The following NBAS variants were observed in gnomAD, a reference collection of about 807,000 sequenced individuals.
NBAS encodes the protein NAG/BC035112 fusion.
In NBAS, 219 loss-of-function variants were observed where a neutral mutation model predicts 302.5. The ratio of observed to expected loss-of-function variants is 0.72; its 90% CI spans 0.65 to 0.81. NBAS has a LOEUF of 0.81. Among genes scored for constraint, NBAS ranks in the 30% least tolerant of loss-of-function variants. The pLI, the probability that NBAS is intolerant of heterozygous loss-of-function variation, is 0.00. For missense variants in NBAS, 2,932 were observed against 2,841.6 expected (o/e 1.03, Z -0.72); for synonymous variants, 1,118 against 1,021.6 (o/e 1.09, Z -1.80).
chr2:14,815,353 A>G, the NBAS span, among the ~76,000 whole-genome samples: 3 of 152,342 alleles, frequency 2.0e-5, no homozygotes, highest in South Asian at 6.2e-4. Context: ...GAGCCTGAGC[A>G]CACACAGTCT....
intron 1 of NBAS, among the ~76,000 whole-genome samples, chr2:15,560,539 A>G (rs1664862938): frequency 6.6e-6 from 1 of 152,092 alleles, no homozygotes; most frequent in Non-Finnish European, 1.5e-5. Flanking sequence ...CCACGAAAAC[A>G]TATTCATCTC....
At chr2:15,016,538 C>A in the NBAS span, among the ~76,000 whole-genome samples, 1 of 152,004 alleles carries the variant, frequency 6.6e-6, no homozygotes, top group Non-Finnish European at 1.5e-5. Context: ...GTTAAAATGA[C>A]CATATTACCC....
At chr2:15,296,251 T>C (rs1670542859) in intron 40 of NBAS, among the ~76,000 whole-genome samples, 1 of 152,092 alleles carries the variant, frequency 6.6e-6, no homozygotes, top group Non-Finnish European at 1.5e-5. Context: ...AATTTTATCA[T>C]TAAGAGGCTG....
intron 42 of NBAS, among the ~76,000 whole-genome samples, chr2:15,279,314 G>C (rs1285150150): frequency 6.6e-6 from 1 of 152,058 alleles, no homozygotes; most frequent in Non-Finnish European, 1.5e-5. Context: ...TTAAGATAAA[G>C]AGTCCAGATC....
intron 9 of NBAS, among the ~76,000 whole-genome samples, chr2:15,523,670 T>C (rs947267220): frequency 2.0e-5 from 3 of 152,106 alleles, no homozygotes; most frequent in African/African-American, 7.2e-5. Context: ...TCCCAACACT[T>C]TGGGAAGCCA....
chr2:15,365,386 A>T (rs1674148660), intron 32 of NBAS, among the ~76,000 whole-genome samples: 1 of 152,198 alleles, frequency 6.6e-6, no homozygotes, highest in Admixed American at 6.5e-5. Flanking sequence ...AGTGCATCAG[A>T]GTTTACAGAG....
chr2:14,888,589 A>AT, the NBAS span, among the ~76,000 whole-genome samples: 2 of 151,996 alleles, frequency 1.3e-5, no homozygotes, highest in African/African-American at 2.4e-5. Context: ...GTATTATACT[A>AT]TTTTTTTAAT....
In NBAS at chr2:15,220,951, C is replaced by A. The variant is rs570824053; in HGVS notation, c.6237-1983G>T. On this transcript the variant is annotated intron_variant, in intron 47 of 51. Coordinates refer to ENST00000281513, the MANE Select transcript of NBAS (RefSeq NM_015909.4). Reference sequence around the variant, plus strand: ...ATTTAATATACTTGTCAAATGCTATCTTATGGCAATTTAAAAGAATTATTT... The same window carrying A: ...ATTTAATATACTTGTCAAATGCTATATTATGGCAATTTAAAAGAATTATTT... Among the ~76,000 whole-genome samples, 4 of 152,088 alleles carry A rather than the reference C, an allele frequency of 2.6e-5. No homozygotes were observed. In the South Asian group the frequency reaches 8.3e-4, roughly 32 times the overall value.
intron 42 of NBAS, 89 bp downstream of exon 42, chr2:15,286,984 A>C (rs1670069115): frequency 9.1e-7 from 1 of 1,103,846 alleles, no homozygotes; most frequent in Non-Finnish European, 1.4e-6. Flanking sequence ...GAAAACTAAA[A>C]TTGTACTTTA....
intron 38 of NBAS, among the ~76,000 whole-genome samples, chr2:15,313,278 C>T (rs1353692720): frequency 6.6e-6 from 1 of 152,148 alleles, no homozygotes; most frequent in Non-Finnish European, 1.5e-5. Flanking sequence ...TAATCTAAAA[C>T]ACAAATACAT....
At chr2:15,132,739 G>A in the NBAS span, among the ~76,000 whole-genome samples, 1 of 151,468 alleles carries the variant, frequency 6.6e-6, no homozygotes, top group Non-Finnish European at 1.5e-5. Flanking sequence ...ACCTAAAACT[G>A]CTCTAAAAAA....
intron 21 of NBAS, among the ~76,000 whole-genome samples, chr2:15,428,825 C>T (rs1677612048): frequency 6.6e-6 from 1 of 152,108 alleles, no homozygotes; most frequent in Non-Finnish European, 1.5e-5. Context: ...GGGCAGATCA[C>T]GAGGTCAGCA....
At position 15,489,027 on chromosome 2, in the gene NBAS, A is replaced by T. The variant is rs182382772; in HGVS notation, c.955-5T>A. Reference sequence around the variant, plus strand: ...GCTCATCTTAAAAATTCCATCCTAAATAAGAATCATAAGGTCAGGGCAAAG... The same window carrying T: ...GCTCATCTTAAAAATTCCATCCTAATTAAGAATCATAAGGTCAGGGCAAAG... On this transcript the variant is annotated splice_polypyrimidine_tract_variant and splice_region_variant and intron_variant, in intron 11 of 51. Transcript: ENST00000281513. 1 of 1,613,034 alleles carries T rather than the reference A, an allele frequency of 6.2e-7. No individual in the cohort carries two copies. Among genetic ancestry groups the T allele is most frequent in the East Asian group, 2.2e-5 (1 of 44,794 alleles).
intron 51 of NBAS, among the ~76,000 whole-genome samples, chr2:15,171,175 G>A (rs1182081090): frequency 1.3e-5 from 2 of 152,138 alleles, no homozygotes; most frequent in Non-Finnish European, 2.9e-5. Context: ...AAAAAAACAT[G>A]CCACCTTCTT....
Position 15,371,007 on chromosome 2 carries a change from C to T in NBAS, c.3703+3601G>A, listed in dbSNP as rs554988380. Reference sequence around the variant, plus strand: ...AATGATATGGTTAGGCTCTGTGTCCCCACTCAAATTTCATCTTCAATTGCA... The same window carrying T: ...AATGATATGGTTAGGCTCTGTGTCCTCACTCAAATTTCATCTTCAATTGCA... On this transcript the variant is annotated intron_variant, in intron 31 of 51. Transcript: ENST00000281513. Among the ~76,000 whole-genome samples the T allele has an allele frequency of 4.1e-4, 62 of 152,158 alleles. No individual in the cohort carries two copies. The South Asian group carries it at 9.8e-3, about 24-fold the overall frequency.
the NBAS span, among the ~76,000 whole-genome samples, chr2:14,990,908 G>C: frequency 1.3e-5 from 2 of 152,176 alleles, no homozygotes; most frequent in African/African-American, 4.8e-5. Flanking sequence ...TGAAGAAATA[G>C]ACAATGGTGA....
intron 30 of NBAS, among the ~76,000 whole-genome samples, chr2:15,375,867 T>C (rs1674709801): frequency 1.3e-5 from 2 of 151,442 alleles, no homozygotes; most frequent in South Asian, 4.2e-4. Context: ...AGGAATAAAA[T>C]AGAACTGTCT....
In NBAS at chr2:15,291,756, A is replaced by G. The variant is rs184014673; in HGVS notation, c.5027+781T>C. On this transcript the variant is annotated intron_variant, in intron 41 of 51. Coordinates refer to ENST00000281513, the MANE Select transcript of NBAS (RefSeq NM_015909.4). ...AATTGTATCTAGTTTACCATACTGA[A>G]GAAGAAATTAAAGTGCCATGTGCTT... 3.3e-5 allele frequency among the ~76,000 whole-genome samples: 5 copies of G among 152,276 alleles called. No homozygotes were observed. In the East Asian group the frequency reaches 9.6e-4, roughly 29 times the overall value.
At chr2:15,357,724 T>A (rs1187204946) in intron 32 of NBAS, among the ~76,000 whole-genome samples, 1 of 152,180 alleles carries the variant, frequency 6.6e-6, no homozygotes, top group Admixed American at 6.5e-5. Context: ...AAATACAATT[T>A]ACAATATCTT....
Sources: gnomAD v4.1 joint callset for allele counts (sites outside exome capture counted in the v4.1 genomes callset) on GRCh38, gnomAD v4.1.1 for gene constraint, MANE v1.5 for transcripts, NCBI Gene and HGNC (gene_info 2026-07-23, HGNC 2026-07-21) for gene names.